The following NETO1 variants were observed in gnomAD, a reference collection of about 807,000 sequenced individuals.
NETO1 encodes the protein neuropilin and tolloid like 1, also known as neuropilin and tolloid-like protein 1.
In NETO1, 26 loss-of-function variants were observed where a neutral mutation model predicts 61.3. The observed-to-expected ratio is 0.42, with a 90% CI of 0.31 to 0.59. The LOEUF (loss-of-function observed/expected upper bound fraction) is 0.59, where lower values mean the gene tolerates loss of function less well. Among genes scored for constraint, NETO1 ranks in the 20% least tolerant of loss-of-function variants. The pLI is 0.12. For synonymous variants in NETO1, 225 were observed against 225.8 expected, an observed-to-expected ratio of 1.00 and a Z score of 0.03; for missense variants, 531 against 662.8, an observed-to-expected ratio of 0.80 and a Z score of 2.18.
At chr18:72,845,010 G>A (rs752671993) in intron 4 of NETO1, among the ~76,000 whole-genome samples, 5 of 152,198 alleles carry the variant, frequency 3.3e-5, no homozygotes, top group Non-Finnish European at 7.3e-5. Context: ...CACATGCCAT[G>A]GCGCTCACCA....
At chr18:72,759,632 G>A (rs543368728) in intron 7 of NETO1, among the ~76,000 whole-genome samples, 1 of 152,262 alleles carries the variant, frequency 6.6e-6, no homozygotes, top group Non-Finnish European at 1.5e-5. Flanking sequence ...TCCAATCAAG[G>A]CCACGGTCTC....
chr18:72,750,674 G>A, intron 8 of NETO1, 54 bp from the exon 9 acceptor site: 1 of 1,306,960 alleles, frequency 7.7e-7, no homozygotes, highest in Admixed American at 2.2e-5. Context: ...AAGCAACGCA[G>A]CAAACATTAA....
Position 72,785,181 on chromosome 18 carries a change from C to T in NETO1, c.640-1275G>A, listed in dbSNP as rs369635765. On this transcript the variant is annotated intron_variant, in intron 6 of 10. Transcript: ENST00000327305. ...ACATGGCATTCAAGCAAACATCCAT[C>T]TCTTTCATCATTCTGTATGTATTTT... is the stretch of plus-strand genomic sequence containing the variant. 2.0e-5 allele frequency among the ~76,000 whole-genome samples: 3 copies of T among 152,254 alleles called. No homozygotes were observed. In the South Asian group the frequency reaches 6.2e-4, roughly 32 times the overall value.
chr18:72,832,730 C>T lies in NETO1; in HGVS notation c.469+26096G>A, dbSNP rs566417797. Among the ~76,000 whole-genome samples the T allele has an allele frequency of 8.1e-4, 123 of 152,300 alleles. 1 individual carries two copies. In the South Asian group the frequency reaches 0.023, roughly 28 times the overall value. On this transcript the variant is annotated intron_variant, in intron 4 of 10. Transcript: ENST00000327305. ...ATTTGTATAGGCTGCTATTAATGGA[C>T]AGGCTGAAGTATGGTTGATTACAAT...
chr18:72,863,247 A>T (rs930994583), intron 3 of NETO1, among the ~76,000 whole-genome samples: 4 of 152,172 alleles, frequency 2.6e-5, no homozygotes, highest in African/African-American at 9.7e-5. Flanking sequence ...ATGCGCCACG[A>T]AGGTCCCCAA....
At chr18:72,856,823 A>C (rs2074424991) in intron 4 of NETO1, among the ~76,000 whole-genome samples, 1 of 152,218 alleles carries the variant, frequency 6.6e-6, no homozygotes, top group Non-Finnish European at 1.5e-5. Context: ...CATTAAGCTG[A>C]CTTGAGAAAT....
chr18:72,786,996 A>G (rs888430884), intron 6 of NETO1, among the ~76,000 whole-genome samples: 13 of 151,024 alleles, frequency 8.6e-5, no homozygotes, highest in African/African-American at 3.2e-4. Flanking sequence ...ATTAATGTGG[A>G]AACCTTAAAA....
chr18:72,772,819 CTCTCTCTATATATA>C (rs1215192606), intron 7 of NETO1, among the ~76,000 whole-genome samples: 41 of 52,530 alleles, frequency 7.8e-4, no homozygotes, highest in East Asian at 2.2e-3. Context: ...CTCTCTCTCT[CTCTCTCTATATATA>C]TATATATATA....
chr18:72,829,615 C>T (rs1363991093), intron 4 of NETO1, among the ~76,000 whole-genome samples: 1 of 152,106 alleles, frequency 6.6e-6, no homozygotes, highest in East Asian at 1.9e-4. Flanking sequence ...GCTTGGTTTA[C>T]CCCAAATATA....
chr18:72,845,614 C>A (rs554013158), intron 4 of NETO1, among the ~76,000 whole-genome samples: 1 of 152,158 alleles, frequency 6.6e-6, no homozygotes, highest in African/African-American at 2.4e-5. Context: ...AAAACTCAAA[C>A]AAAATTATTT....
intron 4 of NETO1, chr18:72,835,426 A>G: frequency 1.2e-6 from 1 of 805,456 alleles, no homozygotes; most frequent in Non-Finnish European, 2.0e-6. Flanking sequence ...CAGGAGGAGC[A>G]AATCCAAAGT....
At chr18:72,851,174 A>G (rs1393216181) in intron 4 of NETO1, among the ~76,000 whole-genome samples, 1 of 152,078 alleles carries the variant, frequency 6.6e-6, no homozygotes, top group Non-Finnish European at 1.5e-5. Context: ...CACTTTGGGA[A>G]GCCCAGGCTG....
At chr18:72,762,128 ATTAACATGTAAAGTTGGGT>A (rs2070994796) in intron 7 of NETO1, among the ~76,000 whole-genome samples, 1 of 151,902 alleles carries the variant, frequency 6.6e-6, no homozygotes, top group Non-Finnish European at 1.5e-5. Flanking sequence ...GTGGGAGATT[ATTAACATGTAAAGTTGGGT>A]AAAAAATTAG....
intron 6 of NETO1, among the ~76,000 whole-genome samples, chr18:72,788,422 G>A (rs1460157655): frequency 6.6e-6 from 1 of 152,032 alleles, no homozygotes; most frequent in East Asian, 1.9e-4. Flanking sequence ...ACTAACTCTA[G>A]TATATGTCAT....
chr18:72,861,591 T>C (rs1260247858), intron 3 of NETO1, among the ~76,000 whole-genome samples: 2 of 152,204 alleles, frequency 1.3e-5, no homozygotes, highest in Non-Finnish European at 2.9e-5. Context: ...TTCACCTGGA[T>C]AGTGCACATA....
At chr18:72,853,878 T>C (rs2074334781) in intron 4 of NETO1, among the ~76,000 whole-genome samples, 1 of 152,188 alleles carries the variant, frequency 6.6e-6, no homozygotes, top group Non-Finnish European at 1.5e-5. Context: ...GATTTTTTTC[T>C]TTCTTACCAG....
chr18:72,800,798 T>C (rs1490733191), intron 4 of NETO1, among the ~76,000 whole-genome samples: 1 of 152,160 alleles, frequency 6.6e-6, no homozygotes, highest in Non-Finnish European at 1.5e-5. Context: ...CAGTACTGAA[T>C]TTAACATGTC....
At chr18:72,858,240 C>G (rs2074464176) in intron 4 of NETO1, among the ~76,000 whole-genome samples, 3 of 152,106 alleles carry the variant, frequency 2.0e-5, no homozygotes, top group Admixed American at 2.0e-4. Context: ...AAAATTGATA[C>G]AGATTGCATA....
chr18:72,782,092 G>A (rs963974878), intron 7 of NETO1, among the ~76,000 whole-genome samples: 2 of 152,098 alleles, frequency 1.3e-5, no homozygotes, highest in African/African-American at 4.8e-5. Flanking sequence ...TGGTGAGAAC[G>A]TGCGGTATTT....
Sources: allele counts gnomAD v4.1 joint callset (sites outside exome capture counted in the v4.1 genomes callset), GRCh38; gene constraint gnomAD v4.1.1; transcripts MANE v1.5; gene names NCBI Gene and HGNC (gene_info 2026-07-23, HGNC 2026-07-21).